The following PDZRN4 variants were observed in gnomAD, a reference collection of about 807,000 sequenced individuals.
The protein encoded by PDZRN4 is PDZ domain-containing RING finger protein 4.
Under a neutral mutation model 99.0 loss-of-function variants are expected in PDZRN4, and 70 were observed. The ratio of observed to expected loss-of-function variants is 0.71; its 90% CI spans 0.58 to 0.86. The LOEUF (loss-of-function observed/expected upper bound fraction) is 0.86, where lower values mean the gene tolerates loss of function less well. Ranked by LOEUF, PDZRN4 falls within the 40% of genes least tolerant of loss-of-function variation. PDZRN4 has a pLI of 0.00. For missense variants in PDZRN4, 1,474 were observed against 1,331.2 expected, an observed-to-expected ratio of 1.11 and a Z score of -1.67; for synonymous variants, 551 against 501.6, an observed-to-expected ratio of 1.10 and a Z score of -1.32.
intron 3 of PDZRN4, chr12:41,409,982 T>G (rs1281332577): frequency 6.6e-6 from 1 of 152,216 alleles, no homozygotes; most frequent in African/African-American, 2.4e-5. Flanking sequence ...CAGAAACCAG[T>G]ATGACCTCAT....
At chr12:41,289,380 G>C (rs1951441760) in intron 3 of PDZRN4, among the ~76,000 whole-genome samples, 2 of 152,100 alleles carry the variant, frequency 1.3e-5, no homozygotes, top group African/African-American at 2.4e-5. Flanking sequence ...AACCAATATG[G>C]GTGGAGATGT....
intron 3 of PDZRN4, among the ~76,000 whole-genome samples, chr12:41,481,187 C>A (rs1387914430): frequency 1.3e-5 from 2 of 151,938 alleles, no homozygotes; most frequent in African/African-American, 4.8e-5. Flanking sequence ...CCATTTGTAC[C>A]AACCTATCAG....
intron 3 of PDZRN4, among the ~76,000 whole-genome samples, chr12:41,315,672 A>G (rs1188782845): frequency 6.6e-6 from 1 of 152,164 alleles, no homozygotes; most frequent in Non-Finnish European, 1.5e-5. Flanking sequence ...AGGATTTTAA[A>G]CAGTATTATG....
chr12:41,288,863 T>C (rs1951438131), intron 3 of PDZRN4, among the ~76,000 whole-genome samples: 1 of 152,144 alleles, frequency 6.6e-6, no homozygotes, highest in Non-Finnish European at 1.5e-5. Flanking sequence ...TCTGTATGTA[T>C]TAATTTTTCC....
In PDZRN4 at chr12:41,520,209, A is replaced by T. The variant is rs192411376; in HGVS notation, c.1203+10296A>T. Among the ~76,000 whole-genome samples, 21 of 152,256 alleles carry T rather than the reference A, an allele frequency of 1.4e-4. No individual in the cohort carries two copies. The East Asian group carries it at 3.5e-3, about 25-fold the overall frequency. ...ACAAAAGATATGGTTACAGTTTTTC[A>T]CTTAAAGAAGTACTGAATTCTTCTT... is the stretch of plus-strand genomic sequence containing the variant. On this transcript the variant is annotated intron_variant, in intron 5 of 9. Transcript: ENST00000402685.
chr12:41,236,238 A>C (rs2095159061), intron 3 of PDZRN4, among the ~76,000 whole-genome samples: 1 of 152,318 alleles, frequency 6.6e-6, no homozygotes, highest in East Asian at 1.9e-4. Context: ...TGTAGCACAA[A>C]GGCAGGAAAG....
chr12:41,536,434 A>G (rs908943081), intron 5 of PDZRN4, among the ~76,000 whole-genome samples: 2 of 152,184 alleles, frequency 1.3e-5, no homozygotes, highest in African/African-American at 2.4e-5. Context: ...GGCAGAAGGG[A>G]TGAAAAAGTG....
chr12:41,214,430 T>TAAAAAAAAAAAAAAAAAAAAAAAAA lies in PDZRN4; in HGVS notation c.843+20262_843+20263insAAAAAAAAAAAAAAAAAAAAAAAAA, dbSNP rs536246838. Among the ~76,000 whole-genome samples, 64 of 34,040 alleles carry TAAAAAAAAAAAAAAAAAAAAAAAAA rather than the reference T, an allele frequency of 1.9e-3. 10 individuals carry two copies. The highest frequency in any genetic ancestry group is 5.0e-3 in the South Asian group (3 of 602). 22.3% of individuals were successfully genotyped at this position (34,040 alleles called of 152,430 possible). A position where few individuals can be genotyped will look rare whatever the true frequency, so the allele number is the denominator to read the frequency against. On this transcript the variant is annotated intron_variant, in intron 3 of 9. Coordinates refer to ENST00000402685, the MANE Select transcript of PDZRN4 (RefSeq NM_001164595.2). ...GGCAATAGAAGGAGACCCTGTCCCC[T>TAAAAAAAAAAAAAAAAAAAAAAAAA]AAAAAAAAAAAAAAAAAAAAGTTAT... is the stretch of plus-strand genomic sequence containing the variant.
chr12:41,415,147 T>TA, intron 3 of PDZRN4, among the ~76,000 whole-genome samples: 1 of 152,124 alleles, frequency 6.6e-6, no homozygotes, highest in African/African-American at 2.4e-5. Flanking sequence ...AGATGAGCCA[T>TA]AGAGAACTTG....
chr12:41,343,252 C>T (rs1223034994), intron 3 of PDZRN4, among the ~76,000 whole-genome samples: 1 of 151,858 alleles, frequency 6.6e-6, no homozygotes, highest in East Asian at 1.9e-4. Flanking sequence ...TCATCATAGC[C>T]TTAAATGATA....
chr12:41,205,094 A>C (rs1487935753), intron 3 of PDZRN4, among the ~76,000 whole-genome samples: 1 of 151,980 alleles, frequency 6.6e-6, no homozygotes, highest in African/African-American at 2.4e-5. Context: ...AAATGAGACA[A>C]AATGCTACCA....
chr12:41,263,639 A>T (rs1951258436), intron 3 of PDZRN4, among the ~76,000 whole-genome samples: 1 of 152,028 alleles, frequency 6.6e-6, no homozygotes, highest in Non-Finnish European at 1.5e-5. Context: ...GTGAGCCGAG[A>T]TCCCACCACT....
At chr12:41,447,572 G>C (rs988454819) in intron 3 of PDZRN4, among the ~76,000 whole-genome samples, 3 of 151,936 alleles carry the variant, frequency 2.0e-5, no homozygotes, top group African/African-American at 7.3e-5. Flanking sequence ...ACGTTTAAAG[G>C]GTATAACACA....
At chr12:41,269,300 CA>C (rs918594215) in intron 3 of PDZRN4, among the ~76,000 whole-genome samples, 1 of 152,102 alleles carries the variant, frequency 6.6e-6, no homozygotes, top group African/African-American at 2.4e-5. Context: ...AGCTGACTGA[CA>C]ATAACAAATT....
chr12:41,339,943 A>C (rs932065116), intron 3 of PDZRN4, among the ~76,000 whole-genome samples: 1 of 152,004 alleles, frequency 6.6e-6, no homozygotes, highest in Non-Finnish European at 1.5e-5. Context: ...TGAGAATATG[A>C]AGAAAGAGGA....
intron 3 of PDZRN4, among the ~76,000 whole-genome samples, chr12:41,270,070 A>G (rs937940814): frequency 4.6e-5 from 7 of 152,062 alleles, no homozygotes; most frequent in African/African-American, 1.7e-4. Context: ...AGTCATATAA[A>G]CCTGGATTTG....
At position 41,422,618 on chromosome 12, in the gene PDZRN4, T is replaced by C. The variant is rs1348890644; in HGVS notation, c.844-83838T>C. Among the ~76,000 whole-genome samples, 8 of 152,142 alleles carry C rather than the reference T, an allele frequency of 5.3e-5. No homozygotes were observed. In the East Asian group the frequency reaches 1.2e-3, roughly 22 times the overall value. ...GAGAGAGAGAGTGGATGAGGGGGAA[T>C]GTGCCACACTTTAAAACCTTCAGCT... On this transcript the variant is annotated intron_variant, in intron 3 of 9. Transcript: ENST00000402685.
intron 3 of PDZRN4, among the ~76,000 whole-genome samples, chr12:41,455,885 T>C (rs1220407631): frequency 1.3e-5 from 2 of 152,208 alleles, no homozygotes. Context: ...TAAATCCTAA[T>C]TAGGGAACCA....
intron 3 of PDZRN4, among the ~76,000 whole-genome samples, chr12:41,218,976 T>C (rs916697681): frequency 1.3e-5 from 2 of 152,130 alleles, no homozygotes; most frequent in African/African-American, 4.8e-5. Flanking sequence ...GGAATATTAT[T>C]GTTCCTAAAA....
Sources: allele counts gnomAD v4.1 joint callset (sites outside exome capture counted in the v4.1 genomes callset), GRCh38; gene constraint gnomAD v4.1.1; transcripts MANE v1.5; gene names NCBI Gene and HGNC (gene_info 2026-07-23, HGNC 2026-07-21).